PHF21A: variants seen among roughly 807,000 people sequenced by gnomAD.
PHF21A encodes the protein PHD finger protein 21A.
A neutral mutation model predicts 82.5 loss-of-function variants in PHF21A; 11 were observed. That is an observed-to-expected ratio of 0.13 (90% confidence interval 0.08 to 0.22). The LOEUF (loss-of-function observed/expected upper bound fraction) is 0.22, where lower values mean the gene tolerates loss of function less well. Among genes scored for constraint, PHF21A ranks in the 10% least tolerant of loss-of-function variants. PHF21A has a pLI of 1.00. For synonymous variants in PHF21A, 297 were observed against 302.8 expected (o/e 0.98, Z 0.20); for missense variants, 579 against 837.8 (o/e 0.69, Z 3.81).
intron 3 of PHF21A, 50 bp from the exon 4 acceptor site, chr11:46,084,352 A>G: frequency 1.7e-6 from 1 of 586,484 alleles, no homozygotes; most frequent in Non-Finnish European, 2.9e-6. Context: ...AATAAATATA[A>G]TATTTATGTT....
chr11:46,097,505 C>T (rs1438448753), intron 1 of PHF21A, among the ~76,000 whole-genome samples: 1 of 152,188 alleles, frequency 6.6e-6, no homozygotes, highest in Non-Finnish European at 1.5e-5. Context: ...AAATCTACAG[C>T]AGTTTCAGGA....
At chr11:45,944,838 C>T (rs2091044881) in intron 15 of PHF21A, among the ~76,000 whole-genome samples, 2 of 152,256 alleles carry the variant, frequency 1.3e-5, no homozygotes, top group Admixed American at 1.3e-4. Context: ...ACAATCTCTG[C>T]TCACTGCAAC....
At chr11:46,026,354 G>A (rs547445596) in intron 6 of PHF21A, among the ~76,000 whole-genome samples, 1 of 152,274 alleles carries the variant, frequency 6.6e-6, no homozygotes, top group Non-Finnish European at 1.5e-5. Flanking sequence ...TGATGTAGAT[G>A]TCATGCACAA....
intron 6 of PHF21A, among the ~76,000 whole-genome samples, chr11:46,038,447 C>T (rs2096062106): frequency 2.0e-5 from 3 of 152,268 alleles, no homozygotes; most frequent in Admixed American, 2.0e-4. Context: ...CTTTCAATAA[C>T]TATTTATTGA....
At chr11:46,025,163 T>C (rs935853621) in intron 6 of PHF21A, among the ~76,000 whole-genome samples, 1 of 152,020 alleles carries the variant, frequency 6.6e-6, no homozygotes, top group Non-Finnish European at 1.5e-5. Flanking sequence ...GAAAATAATT[T>C]TCTCTGGGGC....
chr11:45,981,157 G>A (rs2094260276), intron 6 of PHF21A, among the ~76,000 whole-genome samples: 1 of 151,902 alleles, frequency 6.6e-6, no homozygotes, highest in Non-Finnish European at 1.5e-5. Flanking sequence ...AGGCCAAGGT[G>A]GGTGGATCAC....
intron 4 of PHF21A, among the ~76,000 whole-genome samples, chr11:46,083,045 C>T (rs906111478): frequency 2.6e-5 from 4 of 152,106 alleles, no homozygotes; most frequent in African/African-American, 9.7e-5. Context: ...ATTTTTATCA[C>T]TTGCCATTCA....
At chr11:46,087,764 T>A (rs1275314747) in intron 3 of PHF21A, among the ~76,000 whole-genome samples, 1 of 152,010 alleles carries the variant, frequency 6.6e-6, no homozygotes, top group East Asian at 1.9e-4. Flanking sequence ...TTTGAAAAAA[T>A]TTTTTTCCTG....
intron 1 of PHF21A, among the ~76,000 whole-genome samples, chr11:46,109,599 CATTTAT>C (rs1475616916): frequency 2.6e-5 from 4 of 152,078 alleles, no homozygotes; most frequent in African/African-American, 9.7e-5. Context: ...CACACCAGTA[CATTTAT>C]ATTTATAATA....
At chr11:46,113,544 T>A (rs1303411723) in intron 1 of PHF21A, among the ~76,000 whole-genome samples, 3 of 152,202 alleles carry the variant, frequency 2.0e-5, no homozygotes, top group Non-Finnish European at 4.4e-5. Context: ...AGTTTAATTG[T>A]TTTGGCCGGG....
intron 13 of PHF21A, among the ~76,000 whole-genome samples, 154 bp from the exon 14 acceptor site, chr11:45,949,100 T>G (rs191828200): frequency 6.6e-6 from 1 of 152,344 alleles, no homozygotes; most frequent in East Asian, 1.9e-4. Flanking sequence ...TTTTATTGTA[T>G]GTACTTGGCT....
chr11:46,008,808 CA>C (rs1364376229), intron 6 of PHF21A, among the ~76,000 whole-genome samples: 1 of 151,972 alleles, frequency 6.6e-6, no homozygotes, highest in Non-Finnish European at 1.5e-5. Context: ...GCTATGTTTG[CA>C]ACTGTAAAAT....
intron 1 of PHF21A, among the ~76,000 whole-genome samples, chr11:46,119,081 A>C (rs1852214771): frequency 6.7e-6 from 1 of 149,244 alleles, no homozygotes; most frequent in South Asian, 2.1e-4. Flanking sequence ...ACCTGTGAAA[A>C]GACTTCCTTC....
chr11:46,080,857 TCTCA>T (rs555941660), intron 4 of PHF21A, among the ~76,000 whole-genome samples: 228 of 151,120 alleles, frequency 1.5e-3, no homozygotes, highest in Non-Finnish European at 2.5e-3. Context: ...AGAGATGAGG[TCTCA>T]CTATGTTATC....
At chr11:46,103,093 G>A (rs1239738422) in intron 1 of PHF21A, among the ~76,000 whole-genome samples, 1 of 152,142 alleles carries the variant, frequency 6.6e-6, no homozygotes, top group African/African-American at 2.4e-5. Context: ...GCTGAAATGG[G>A]ACTGCACCCC....
rs1302308465 is a variant in PHF21A, at chr11:45,979,461, CA to C, written c.360+298del. 2.6e-5 allele frequency among the ~76,000 whole-genome samples: 4 copies of C among 152,262 alleles called. No individual in the cohort carries two copies. The East Asian group carries it at 7.7e-4, about 29-fold the overall frequency. On this transcript the variant is annotated intron_variant, in intron 7 of 18. Coordinates refer to ENST00000676320, the MANE Select transcript of PHF21A (RefSeq NM_001352027.3). ...GTGTAAATAAATACCTCCAAAAATTCAAAATAAGGTTTTAATTCTGCTGTAA... is the reference window on the plus strand; with the variant it reads ...GTGTAAATAAATACCTCCAAAAATTCAAATAAGGTTTTAATTCTGCTGTAA...
At chr11:45,980,728 T>G (rs2094242756) in intron 6 of PHF21A, among the ~76,000 whole-genome samples, 2 of 152,210 alleles carry the variant, frequency 1.3e-5, no homozygotes, top group Non-Finnish European at 2.9e-5. Context: ...TAATTTTTAT[T>G]AAGCAAACAT....
rs1256622601 is a variant in PHF21A at position 45,979,696 on chromosome 11, C to T, written c.360+64G>A. On this transcript the variant is annotated intron_variant, in intron 7 of 18. Transcript: ENST00000676320. ...GTATAGTGTGAGACAGGACCCAGTT[C>T]TATATGACCAACAACAAATCAGTCT... 8.1e-6 allele frequency: 13 copies of T among 1,610,590 alleles called. No individual in the cohort carries two copies. The East Asian group carries it at 2.9e-4, about 36-fold the overall frequency.
chr11:46,061,209 C>A (rs2096531302), intron 6 of PHF21A, among the ~76,000 whole-genome samples: 1 of 152,122 alleles, frequency 6.6e-6, no homozygotes, highest in South Asian at 2.1e-4. Flanking sequence ...GTCACTGTGA[C>A]CCTGTAGTAT....
Sources: allele counts gnomAD v4.1 joint callset (sites outside exome capture counted in the v4.1 genomes callset), GRCh38; gene constraint gnomAD v4.1.1; transcripts MANE v1.5; gene names NCBI Gene and HGNC (gene_info 2026-07-23, HGNC 2026-07-21).